TBC1D32: variants seen among roughly 807,000 people sequenced by gnomAD.
TBC1D32 encodes the protein protein broad-minded.
TBC1D32 carries 151 observed loss-of-function variants against 170.3 expected under a neutral mutation model. That is an observed-to-expected ratio of 0.89 (90% CI 0.78 to 1.01). TBC1D32 has a LOEUF of 1.01. Ranked by LOEUF, TBC1D32 falls within the 50% of genes least tolerant of loss-of-function variation. The pLI is 0.00. For missense variants in TBC1D32, 1,464 were observed against 1,457.1 expected (o/e 1.00, Z -0.08); for synonymous variants, 498 against 488.0 (o/e 1.02, Z -0.27).
At chr6:121,135,068 C>T (rs529641186) in intron 24 of TBC1D32, among the ~76,000 whole-genome samples, 3 of 152,234 alleles carry the variant, frequency 2.0e-5, no homozygotes, top group East Asian at 3.9e-4. Context: ...ATTCCTTCTT[C>T]CAGATTCACT....
chr6:121,324,431 GA>G (rs1810189112), intron 1 of TBC1D32, among the ~76,000 whole-genome samples: 1 of 151,896 alleles, frequency 6.6e-6, no homozygotes, highest in Admixed American at 6.6e-5. Context: ...TGCTTTAAGG[GA>G]ATAAGTATTT....
intron 26 of TBC1D32, among the ~76,000 whole-genome samples, chr6:121,125,249 GC>G (rs2128211128): frequency 6.6e-6 from 1 of 152,258 alleles, no homozygotes; most frequent in East Asian, 1.9e-4. Context: ...AACATTCTAA[GC>G]CCAGGCTTGC....
intron 24 of TBC1D32, among the ~76,000 whole-genome samples, chr6:121,141,822 A>T (rs1782818888): frequency 6.6e-6 from 1 of 152,136 alleles, no homozygotes; most frequent in South Asian, 2.1e-4. Context: ...TACAGGAAAG[A>T]CACAAACCTT....
intron 22 of TBC1D32, among the ~76,000 whole-genome samples, chr6:121,169,049 C>G (rs927224935): frequency 4.8e-5 from 5 of 103,952 alleles, no homozygotes; most frequent in Admixed American, 3.0e-4. Flanking sequence ...ACATTCTTTA[C>G]AGAATCAGAA....
At chr6:121,251,052 A>G (rs1422180818) in intron 17 of TBC1D32, among the ~76,000 whole-genome samples, 1 of 152,174 alleles carries the variant, frequency 6.6e-6, no homozygotes, top group African/African-American at 2.4e-5. Context: ...AGGGAGAGCT[A>G]CAAACTACTA....
At chr6:121,281,761 C>T (rs17083358) in intron 13 of TBC1D32, 75 bp from the exon 14 acceptor site, 1 of 1,227,226 alleles carries the variant, frequency 8.1e-7, no homozygotes, top group Non-Finnish European at 1.1e-6. Context: ...TGTTGTTGTT[C>T]CAAAAAGTTC....
At chr6:121,214,007 C>T (rs1793497633) in intron 21 of TBC1D32, among the ~76,000 whole-genome samples, 1 of 152,164 alleles carries the variant, frequency 6.6e-6, no homozygotes, top group African/African-American at 2.4e-5. Context: ...TGATCATCAA[C>T]AAAGTTGACA....
chr6:121,296,100 G>A (rs1374352615), intron 10 of TBC1D32, among the ~76,000 whole-genome samples: 5 of 152,010 alleles, frequency 3.3e-5, no homozygotes. Flanking sequence ...GAGCTTCCCT[G>A]GTATATAACA....
intron 24 of TBC1D32, 47 bp downstream of exon 24, chr6:121,159,963 A>T: frequency 7.5e-7 from 1 of 1,342,074 alleles, no homozygotes; most frequent in Non-Finnish European, 1.1e-6. Context: ...TTCAAATTAT[A>T]ACAAAAGCTT....
intron 24 of TBC1D32, among the ~76,000 whole-genome samples, chr6:121,154,039 CA>C (rs71018115): frequency 1.4e-4 from 18 of 129,654 alleles, no homozygotes; most frequent in Admixed American, 3.9e-4. Flanking sequence ...CACTAGGGTA[CA>C]AAAAAAAAAA....
In TBC1D32 at chr6:121,304,347, C is replaced by T. The variant is rs765818673; in HGVS notation, c.935+18G>A. 10 of 1,611,894 alleles carry T rather than the reference C, an allele frequency of 6.2e-6. No individual in the cohort carries two copies. In the East Asian group the frequency reaches 2.0e-4, roughly 32 times the overall value. On this transcript the variant is annotated intron_variant, in intron 8 of 31. Coordinates refer to ENST00000398212, the MANE Select transcript of TBC1D32 (RefSeq NM_152730.6). Reference sequence around the variant, plus strand: ...CACCGCTAGGTTTTATGCTGGCATACATTGGGAGGGGACTTACTTCTCTGG... The same window carrying T: ...CACCGCTAGGTTTTATGCTGGCATATATTGGGAGGGGACTTACTTCTCTGG...
At chr6:121,141,113 T>G (rs1427099899) in intron 24 of TBC1D32, among the ~76,000 whole-genome samples, 3 of 145,072 alleles carry the variant, frequency 2.1e-5, no homozygotes, top group African/African-American at 7.3e-5. Flanking sequence ...AAATTACATT[T>G]TAGGGTAGTA....
intron 13 of TBC1D32, among the ~76,000 whole-genome samples, chr6:121,282,890 CAG>C (rs1030944350): frequency 1.3e-5 from 2 of 151,660 alleles, no homozygotes; most frequent in Non-Finnish European, 3.0e-5. Flanking sequence ...GCTGTAAAGA[CAG>C]AAAAAAGTCT....
At chr6:121,276,140 C>T (rs1177971755) in intron 15 of TBC1D32, among the ~76,000 whole-genome samples, 2 of 145,430 alleles carry the variant, frequency 1.4e-5, no homozygotes, top group Admixed American at 6.9e-5. Context: ...AAAAAACAAA[C>T]GACAATAACA....
chr6:121,299,490 T>C lies in TBC1D32; in HGVS notation c.1096A>G (p.Arg366Gly). The change falls in exon 10 of 32, where the codon AGA (arginine) becomes GGA (glycine). Residue 366 changes from arginine to glycine, a missense_variant. Arg to Gly is a moderately radical substitution (Grantham distance 125). Coordinates refer to ENST00000398212, the MANE Select transcript of TBC1D32 (RefSeq NM_152730.6). ...FKKWMHAHYS[R>G]TTVLRLLETK... ...TCAAGAAGTCTTAATACTGTAGTTC[T>C]GCTATAATGTGCATGCTAAAATTAA... 1 of 1,511,562 alleles carries C rather than the reference T, an allele frequency of 6.6e-7. No homozygotes were observed. Among genetic ancestry groups the C allele is most frequent in the Non-Finnish European group, 9.0e-7 (1 of 1,105,124 alleles). 93.6% of individuals were successfully genotyped at this position (1,511,562 alleles called of 1,614,324 possible).
intron 22 of TBC1D32, among the ~76,000 whole-genome samples, chr6:121,199,594 TTTA>T (rs917818860): frequency 2.0e-4 from 31 of 151,508 alleles, no homozygotes; most frequent in African/African-American, 7.3e-4. Context: ...TTTTATTATT[TTTA>T]TTATTAACTT....
intron 22 of TBC1D32, among the ~76,000 whole-genome samples, chr6:121,179,285 A>G (rs1788200044): frequency 6.6e-6 from 1 of 150,610 alleles, no homozygotes; most frequent in Non-Finnish European, 1.5e-5. Flanking sequence ...ACATATATAT[A>G]TATGTATAGT....
At chr6:121,201,691 T>A (rs1336287459) in intron 22 of TBC1D32, among the ~76,000 whole-genome samples, 1 of 151,280 alleles carries the variant, frequency 6.6e-6, no homozygotes, top group East Asian at 1.9e-4. Context: ...AAGTGGCAAC[T>A]GTACTATAAT....
intron 22 of TBC1D32, among the ~76,000 whole-genome samples, chr6:121,171,474 A>C (rs1786990260): frequency 6.6e-6 from 1 of 152,098 alleles, no homozygotes; most frequent in African/African-American, 2.4e-5. Context: ...AGATGTAACA[A>C]TGGCACAGTA....
Sources: allele counts gnomAD v4.1 joint callset (sites outside exome capture counted in the v4.1 genomes callset), GRCh38; gene constraint gnomAD v4.1.1; transcripts MANE v1.5; gene names NCBI Gene and HGNC (gene_info 2026-07-23, HGNC 2026-07-21).